Variants in SLIT3 observed in about 807,000 individuals in gnomAD.
The protein encoded by SLIT3 is slit guidance ligand 3, also known as slit homolog 3 protein.
In SLIT3, 68 loss-of-function variants were observed where a neutral mutation model predicts 184.0. That is an observed-to-expected ratio of 0.37 (90% confidence interval 0.30 to 0.45). SLIT3 has a LOEUF of 0.45. SLIT3 is among the 20% of genes least tolerant of loss of function. The pLI is 1.00. For missense variants in SLIT3, 1,707 were observed against 2,026.0 expected (o/e 0.84, Z 3.02); for synonymous variants, 831 against 828.6 (o/e 1.00, Z -0.05).
intron 4 of SLIT3, among the ~76,000 whole-genome samples, chr5:169,190,757 T>C (rs376747098): frequency 2.0e-5 from 3 of 152,184 alleles, no homozygotes; most frequent in African/African-American, 4.8e-5. Flanking sequence ...ACTGTGTCTA[T>C]TGAGATGCAG....
intron 3 of SLIT3, among the ~76,000 whole-genome samples, chr5:169,211,591 C>A (rs916646927): frequency 3.9e-5 from 6 of 152,148 alleles, no homozygotes; most frequent in Admixed American, 2.6e-4. Flanking sequence ...GTGCACCTTC[C>A]TTTGGGCCTC....
chr5:169,191,721 A>G (rs999147402), intron 4 of SLIT3, among the ~76,000 whole-genome samples: 1 of 152,082 alleles, frequency 6.6e-6, no homozygotes, highest in Non-Finnish European at 1.5e-5. Context: ...CCTGGCTCCC[A>G]GAATCTCAGA....
intron 4 of SLIT3, among the ~76,000 whole-genome samples, chr5:169,140,373 C>T (rs78233766): frequency 9.9e-4 from 136 of 136,744 alleles, no homozygotes; most frequent in African/African-American, 3.3e-3. Context: ...CCCAGCTACT[C>T]GGAGGCTGAG....
At chr5:169,231,740 T>C (rs927777104) in intron 3 of SLIT3, among the ~76,000 whole-genome samples, 2 of 152,212 alleles carry the variant, frequency 1.3e-5, no homozygotes, top group African/African-American at 4.8e-5. Context: ...TCAGCTCTGA[T>C]TGGTACTGCC....
intron 16 of SLIT3, among the ~76,000 whole-genome samples, chr5:168,755,394 T>TTTCTTTCTTTCTTTCTTTCTTCCTTCC: frequency 1.1e-4 from 1 of 8,712 alleles, no homozygotes; most frequent in Non-Finnish European, 2.0e-4. Context: ...CCGCCATTTC[T>TTTCTTTCTTTCTTTCTTTCTTCCTTCC]TTCTTTCTTT....
At chr5:169,053,700 C>G (rs111271205) in intron 4 of SLIT3, among the ~76,000 whole-genome samples, 32 of 152,028 alleles carry the variant, frequency 2.1e-4, no homozygotes, top group African/African-American at 7.5e-4. Context: ...TCCCCGCCCC[C>G]TTCTTTTCAT....
intron 4 of SLIT3, among the ~76,000 whole-genome samples, chr5:169,044,305 T>C (rs943266340): frequency 3.9e-5 from 6 of 152,142 alleles, no homozygotes; most frequent in Admixed American, 6.6e-5. Context: ...CTAATACAAC[T>C]GAAAACATAC....
At chr5:168,783,254 T>C (rs1194689896) in intron 12 of SLIT3, among the ~76,000 whole-genome samples, 2 of 140,170 alleles carry the variant, frequency 1.4e-5, no homozygotes, top group South Asian at 2.3e-4. Flanking sequence ...TTGTTCCTTG[T>C]GGATGCACTT....
intron 5 of SLIT3, among the ~76,000 whole-genome samples, chr5:168,864,720 C>T (rs1272536362): frequency 2.6e-5 from 4 of 152,132 alleles, no homozygotes; most frequent in Non-Finnish European, 4.4e-5. Context: ...TTGAATATGC[C>T]GTCTGAAGTC....
At chr5:168,929,610 A>C (rs1274538073) in intron 4 of SLIT3, among the ~76,000 whole-genome samples, 2 of 152,214 alleles carry the variant, frequency 1.3e-5, no homozygotes, top group African/African-American at 2.4e-5. Context: ...GACTTCTTGG[A>C]ATTAAAACTT....
At chr5:168,962,760 C>A (rs190186781) in intron 4 of SLIT3, among the ~76,000 whole-genome samples, 1 of 118,830 alleles carries the variant, frequency 8.4e-6, no homozygotes, top group African/African-American at 4.4e-5. Flanking sequence ...GAAAGGTGGG[C>A]GCAGTGGCTG....
chr5:168,927,331 A>G (rs1761861801), intron 4 of SLIT3, among the ~76,000 whole-genome samples: 1 of 152,136 alleles, frequency 6.6e-6, no homozygotes, highest in Non-Finnish European at 1.5e-5. Context: ...ATTCACAGAG[A>G]CAGAGACTAG....
At chr5:168,830,405 A>C (rs1339111054) in intron 6 of SLIT3, among the ~76,000 whole-genome samples, 3 of 152,218 alleles carry the variant, frequency 2.0e-5, no homozygotes, top group African/African-American at 7.2e-5. Context: ...AAGCTCCAGA[A>C]ACCAGGAATA....
chr5:169,267,145 TTA>T (rs781370609), intron 1 of SLIT3, among the ~76,000 whole-genome samples: 13 of 152,100 alleles, frequency 8.5e-5, no homozygotes, highest in Non-Finnish European at 1.5e-4. Flanking sequence ...TAGTCCCATT[TTA>T]TGATTGAACA....
At chr5:168,939,808 C>G (rs764777447) in intron 4 of SLIT3, among the ~76,000 whole-genome samples, 4 of 152,234 alleles carry the variant, frequency 2.6e-5, no homozygotes, top group African/African-American at 4.8e-5. Flanking sequence ...TTGTCTTAAT[C>G]TTAATGCCAG....
At chr5:169,015,977 CACACACACAA>C (rs373712534) in intron 4 of SLIT3, among the ~76,000 whole-genome samples, 5,690 of 119,784 alleles carry the variant, frequency 0.048, 164 homozygotes, top group East Asian at 0.082. Flanking sequence ...CACACACACA[CACACACACAA>C]CTTTCTGTCT....
intron 4 of SLIT3, among the ~76,000 whole-genome samples, chr5:168,960,638 C>G (rs1413809211): frequency 6.6e-6 from 1 of 152,224 alleles, no homozygotes; most frequent in Non-Finnish European, 1.5e-5. Context: ...AAAATGAAAC[C>G]ACCCTGGCCG....
At chr5:168,775,961 C>T (rs2113546600) in intron 12 of SLIT3, among the ~76,000 whole-genome samples, 1 of 152,298 alleles carries the variant, frequency 6.6e-6, no homozygotes, top group African/African-American at 2.4e-5. Context: ...CTAGACATGC[C>T]TTGTAGTCAA....
At chr5:169,168,085 A>G (rs1487602132) in intron 4 of SLIT3, among the ~76,000 whole-genome samples, 1 of 152,056 alleles carries the variant, frequency 6.6e-6, no homozygotes, top group African/African-American at 2.4e-5. Context: ...TTCCTGTGGG[A>G]GCTCCTCCCC....
Sources: gnomAD v4.1 joint callset for allele counts (sites outside exome capture counted in the v4.1 genomes callset) on GRCh38, gnomAD v4.1.1 for gene constraint, MANE v1.5 for transcripts, NCBI Gene and HGNC (gene_info 2026-07-23, HGNC 2026-07-21) for gene names.